Variants in DOCK2 observed in about 807,000 individuals in gnomAD.
DOCK2 encodes dedicator of cytokinesis protein 2.
DOCK2 carries 87 observed loss-of-function variants against 248.9 expected under a neutral mutation model. The observed-to-expected ratio is 0.35, with a 90% CI of 0.29 to 0.42. DOCK2 has a LOEUF of 0.42. DOCK2 is among the 10% of genes least tolerant of loss of function. The probability of loss-of-function intolerance (pLI) is 1.00; values close to 1 mark genes in which losing one functional copy is unlikely to be tolerated. For missense variants in DOCK2, 1,747 were observed against 2,300.2 expected, an observed-to-expected ratio of 0.76 and a Z score of 4.92; for synonymous variants, 805 against 821.6, an observed-to-expected ratio of 0.98 and a Z score of 0.35.
rs557904152 is a variant in DOCK2 at position 169,774,693 on chromosome 5, A to G, written c.2554+13068A>G. ...AAGGGGCAGGGTCATAGTTATTATG[A>G]GATTTGCTAAGATAATCATTCCTTT... On this transcript the variant is annotated intron_variant, in intron 25 of 51. Coordinates refer to ENST00000520908, the MANE Select transcript of DOCK2 (RefSeq NM_004946.3). Among the ~76,000 whole-genome samples, 9 of 152,356 alleles carry G rather than the reference A, an allele frequency of 5.9e-5. No homozygotes were observed. The East Asian group carries it at 1.7e-3, about 29-fold the overall frequency.
chr5:169,837,190 A>C (rs1011304000), intron 26 of DOCK2, among the ~76,000 whole-genome samples: 3 of 152,136 alleles, frequency 2.0e-5, no homozygotes, highest in African/African-American at 4.8e-5. Flanking sequence ...TACAATTTGC[A>C]GTGTGTTTAG....
intron 26 of DOCK2, among the ~76,000 whole-genome samples, chr5:169,810,977 TC>T (rs1200260298): frequency 1.9e-4 from 26 of 138,094 alleles, no homozygotes; most frequent in African/African-American, 7.6e-4. Flanking sequence ...ACAGACTCTC[TC>T]TCTCTCTCTC....
chr5:169,933,870 G>C (rs1243145542), intron 27 of DOCK2, among the ~76,000 whole-genome samples: 2 of 152,312 alleles, frequency 1.3e-5, no homozygotes, highest in Middle Eastern at 6.8e-3. Context: ...GAAATGAACA[G>C]AGCGTGCTCC....
At chr5:170,016,043 C>T (rs1274674114) in intron 32 of DOCK2, among the ~76,000 whole-genome samples, 1 of 152,120 alleles carries the variant, frequency 6.6e-6, no homozygotes, top group African/African-American at 2.4e-5. Context: ...GGCCACTGTA[C>T]AGATGAGAAA....
chr5:169,787,780 T>C (rs1374981498), intron 25 of DOCK2, among the ~76,000 whole-genome samples: 2 of 151,536 alleles, frequency 1.3e-5, no homozygotes, highest in Admixed American at 1.3e-4. Flanking sequence ...TTTTTCTCCG[T>C]CTTTTTTTCC....
chr5:170,052,107 C>A (rs1310195577), intron 41 of DOCK2, among the ~76,000 whole-genome samples: 2 of 152,170 alleles, frequency 1.3e-5, no homozygotes, highest in African/African-American at 4.8e-5. Flanking sequence ...TAAGTTACAG[C>A]CTTTAAAATG....
intron 50 of DOCK2, 66 bp from the exon 51 acceptor site, chr5:170,081,762 CCCTCCCCCTGTCTA>C (rs1758040273): frequency 7.7e-6 from 9 of 1,174,552 alleles, no homozygotes; most frequent in Non-Finnish European, 1.0e-5. Flanking sequence ...TGTCCCCCAG[CCCTCCCCCTGTCTA>C]CCTCCCCCAA....
intron 27 of DOCK2, among the ~76,000 whole-genome samples, chr5:169,972,589 T>C (rs372800706): frequency 1.1e-4 from 13 of 113,452 alleles, no homozygotes; most frequent in Admixed American, 2.5e-4. Flanking sequence ...AGATAGATGA[T>C]AGATAGATAG....
chr5:169,746,983 C>A (rs902253837), intron 22 of DOCK2, among the ~76,000 whole-genome samples: 1 of 152,178 alleles, frequency 6.6e-6, no homozygotes, highest in Non-Finnish European at 1.5e-5. Flanking sequence ...GACAAACAGA[C>A]AATGGGTGGC....
chr5:169,843,386 G>GT (rs1770105685), intron 27 of DOCK2, among the ~76,000 whole-genome samples: 2 of 152,098 alleles, frequency 1.3e-5, no homozygotes, highest in South Asian at 4.1e-4. Context: ...GCCAGGTGTG[G>GT]TGGCAGGTGC....
intron 5 of DOCK2, 98 bp downstream of exon 5, chr5:169,671,272 G>C: frequency 9.1e-7 from 1 of 1,097,282 alleles, no homozygotes; most frequent in Non-Finnish European, 1.4e-6. Flanking sequence ...AGGTGGAGGT[G>C]GCTTTGGTGA....
At chr5:169,820,627 A>G (rs1768370098) in intron 26 of DOCK2, among the ~76,000 whole-genome samples, 1 of 152,240 alleles carries the variant, frequency 6.6e-6, no homozygotes, top group South Asian at 2.1e-4. Flanking sequence ...GTACGTCACC[A>G]TCATCAAAGA....
chr5:169,892,173 G>A (rs1018089606), intron 27 of DOCK2, among the ~76,000 whole-genome samples: 8 of 152,036 alleles, frequency 5.3e-5, no homozygotes, highest in African/African-American at 1.9e-4. Context: ...ACAATAAAGT[G>A]GAGTTGTTCT....
chr5:169,683,826 A>T (rs545554710), intron 7 of DOCK2, among the ~76,000 whole-genome samples: 1 of 152,228 alleles, frequency 6.6e-6, no homozygotes, highest in Non-Finnish European at 1.5e-5. Flanking sequence ...TCTAGATACA[A>T]ATTCTTTGTC....
At chr5:169,713,924 T>C in intron 17 of DOCK2, 104 bp from the exon 18 acceptor site, 1 of 1,331,746 alleles carries the variant, frequency 7.5e-7, no homozygotes, top group Non-Finnish European at 1.0e-6. Context: ...CTTCACTCTT[T>C]ATGACTCTCC....
chr5:169,786,240 GTTCT>G lies in DOCK2; in HGVS notation c.2555-16815_2555-16812del, dbSNP rs372153586. Reference sequence around the variant, plus strand: ...GATCACTCACTCTTCTTTGGCTGGTGTTCTTTGTCTTGGCAGGGGCTGCATGTGT... The same window carrying G: ...GATCACTCACTCTTCTTTGGCTGGTGTTGTCTTGGCAGGGGCTGCATGTGT... On this transcript the variant is annotated intron_variant, in intron 25 of 51. Coordinates refer to ENST00000520908, the MANE Select transcript of DOCK2 (RefSeq NM_004946.3). Among the ~76,000 whole-genome samples the G allele has an allele frequency of 8.5e-3, 1,299 of 152,308 alleles. 22 individuals carry two copies. Among genetic ancestry groups the G allele is most frequent in the African/African-American group, 0.03 (1,230 of 41,556 alleles).
intron 27 of DOCK2, among the ~76,000 whole-genome samples, chr5:169,850,884 A>G (rs575437066): frequency 1.3e-5 from 2 of 152,184 alleles, no homozygotes; most frequent in Non-Finnish European, 2.9e-5. Flanking sequence ...GGCTTGGTGC[A>G]TTTTAAGTGG....
chr5:169,683,584 G>A (rs759375237), intron 7 of DOCK2, among the ~76,000 whole-genome samples: 7 of 152,070 alleles, frequency 4.6e-5, no homozygotes, highest in African/African-American at 1.7e-4. Flanking sequence ...CTACATCCTC[G>A]TCAACACTTG....
intron 38 of DOCK2, among the ~76,000 whole-genome samples, chr5:170,045,515 G>A (rs999882932): frequency 5.3e-5 from 8 of 152,230 alleles, no homozygotes; most frequent in African/African-American, 1.2e-4. Context: ...TTTCTGACCC[G>A]GACAATGAAG....
Sources: gnomAD v4.1 joint callset for allele counts (sites outside exome capture counted in the v4.1 genomes callset) on GRCh38, gnomAD v4.1.1 for gene constraint, MANE v1.5 for transcripts, NCBI Gene and HGNC (gene_info 2026-07-23, HGNC 2026-07-21) for gene names.